SELENOI: variants seen among roughly 807,000 people sequenced by gnomAD.
SELENOI encodes ethanolaminephosphotransferase 1.
A neutral mutation model predicts 50.7 loss-of-function variants in SELENOI; 24 were observed. The ratio of observed to expected loss-of-function variants is 0.47; its 90% CI spans 0.34 to 0.67. The LOEUF (loss-of-function observed/expected upper bound fraction) is 0.67. Among genes scored for constraint, SELENOI ranks in the 30% least tolerant of loss-of-function variants. The probability of loss-of-function intolerance (pLI) is 0.01; values close to 1 mark genes in which losing one functional copy is unlikely to be tolerated. For missense variants in SELENOI, 352 were observed against 461.4 expected (o/e 0.76, Z 2.17); for synonymous variants, 155 against 170.2 (o/e 0.91, Z 0.70).
rs184267734 is a variant in SELENOI at position 26,353,523 on chromosome 2, G to A, written c.57+7234G>A. 2.2e-3 allele frequency among the ~76,000 whole-genome samples: 342 copies of A among 152,290 alleles called. 2 individuals carry two copies. The highest frequency in any genetic ancestry group is 3.7e-3 in the Non-Finnish European group (249 of 68,010). ...CCTGGATCCATTACAGTTAATTGAA[G>A]CATAACTTATCTTTAATTGTACCTT... On this transcript the variant is annotated intron_variant, in intron 1 of 9. Transcript: ENST00000260585.
intron 4 of SELENOI, among the ~76,000 whole-genome samples, chr2:26,370,842 A>ACCTC (rs1467846671): frequency 9.8e-6 from 1 of 101,782 alleles, no homozygotes; most frequent in African/African-American, 3.9e-5. Context: ...TGACACCCCC[A>ACCTC]CCTCCCTCCC....
At chr2:26,364,465 A>G in intron 2 of SELENOI, 95 bp downstream of exon 2, 1 of 813,046 alleles carries the variant, frequency 1.2e-6, no homozygotes. Context: ...TCTCAGTTTC[A>G]TAAGATATTT....
intron 9 of SELENOI, among the ~76,000 whole-genome samples, chr2:26,387,713 A>T (rs1677876835): frequency 6.7e-6 from 1 of 148,228 alleles, no homozygotes; most frequent in Admixed American, 6.7e-5. Flanking sequence ...AAAAAAAAAA[A>T]GAAAAAGAAA....
intron 1 of SELENOI, 48 bp downstream of exon 1, chr2:26,346,337 A>G (rs1388356718): frequency 1.3e-6 from 2 of 1,573,254 alleles, no homozygotes; most frequent in Middle Eastern, 1.9e-4. Context: ...GGCCTCGCCC[A>G]GGCGGCTGAG....
chr2:26,363,159 G>GTACTATACT (rs1677217645), intron 1 of SELENOI, among the ~76,000 whole-genome samples: 1 of 152,092 alleles, frequency 6.6e-6, no homozygotes, highest in African/African-American at 2.4e-5. Flanking sequence ...TCATTCCTTT[G>GTACTATACT]GTACTTAAAA....
rs1053753146 is a variant in SELENOI, at chr2:26,367,301, C to G, written c.310+81C>G. ...GCCACGTATTAAAATAACATTTTCT[C>G]CTGTGCTTAATTCATTTTAACTAGA... On this transcript the variant is annotated intron_variant, in intron 4 of 9. Coordinates refer to ENST00000260585, the MANE Select transcript of SELENOI (RefSeq NM_033505.4). 33 of 1,075,518 alleles carry G rather than the reference C, an allele frequency of 3.1e-5. No individual in the cohort carries two copies. In the African/African-American group the frequency reaches 4.3e-4, roughly 14 times the overall value. The allele number at this position is 1,075,518 out of a possible 1,614,324, so 66.6% of individuals were successfully genotyped here.
At chr2:26,376,108 A>G (rs956285019) in intron 6 of SELENOI, among the ~76,000 whole-genome samples, 1 of 151,464 alleles carries the variant, frequency 6.6e-6, no homozygotes, top group Non-Finnish European at 1.5e-5. Context: ...AAAAAAAAAA[A>G]AGAATAAATA....
chr2:26,386,128 T>C (rs542398465), intron 8 of SELENOI, among the ~76,000 whole-genome samples: 6 of 152,264 alleles, frequency 3.9e-5, no homozygotes. Context: ...TATTCAGTTA[T>C]CTTCCAGCCT....
chr2:26,379,433 T>C (rs894392674), intron 6 of SELENOI, among the ~76,000 whole-genome samples: 38 of 152,126 alleles, frequency 2.5e-4, no homozygotes, highest in African/African-American at 8.9e-4. Flanking sequence ...CCCCTCACTT[T>C]TCCTATAAAC....
At chr2:26,347,330 A>C (rs1166867214) in intron 1 of SELENOI, among the ~76,000 whole-genome samples, 1 of 152,190 alleles carries the variant, frequency 6.6e-6, no homozygotes, top group Non-Finnish European at 1.5e-5. Flanking sequence ...CTTGTGGACC[A>C]TCATGGCTTA....
intron 1 of SELENOI, among the ~76,000 whole-genome samples, chr2:26,360,821 G>A (rs914840310): frequency 6.6e-6 from 1 of 152,156 alleles, no homozygotes; most frequent in Non-Finnish European, 1.5e-5. Flanking sequence ...TGGTCCTCAG[G>A]TCTGAAGACT....
intron 5 of SELENOI, 119 bp from the exon 6 acceptor site, chr2:26,374,921 C>T: frequency 1.5e-6 from 1 of 661,896 alleles, no homozygotes; most frequent in Non-Finnish European, 2.7e-6. Flanking sequence ...CAAATATAAG[C>T]ATACTTCTTG....
At chr2:26,356,432 A>T (rs1479626221) in intron 1 of SELENOI, among the ~76,000 whole-genome samples, 1 of 152,224 alleles carries the variant, frequency 6.6e-6, no homozygotes, top group Admixed American at 6.5e-5. Context: ...TTATTGGTAC[A>T]TAGAAGGGAT....
At chr2:26,360,984 G>T (rs1677164087) in intron 1 of SELENOI, among the ~76,000 whole-genome samples, 1 of 152,192 alleles carries the variant, frequency 6.6e-6, no homozygotes, top group Non-Finnish European at 1.5e-5. Flanking sequence ...GGAGGCCAAG[G>T]TGGGTGGGTC....
chr2:26,349,598 G>T (rs975706118), intron 1 of SELENOI, among the ~76,000 whole-genome samples: 8 of 150,274 alleles, frequency 5.3e-5, no homozygotes, highest in African/African-American at 2.0e-4. Flanking sequence ...GAGCCACCGT[G>T]CCCAGCCCTT....
intron 1 of SELENOI, among the ~76,000 whole-genome samples, chr2:26,362,664 G>A (rs191518437): frequency 4.4e-4 from 67 of 152,072 alleles, no homozygotes; most frequent in Non-Finnish European, 7.5e-4. Flanking sequence ...GCTGAGGCAG[G>A]AGAATTGGTT....
rs951330297 is a variant in SELENOI, at chr2:26,394,637, T to G, written c.*5534T>G. On this transcript the variant is annotated 3_prime_UTR_variant, in exon 10 of 10. Transcript: ENST00000260585. This position sits in a 1 kb window ranked among gnomAD's most constrained non-coding sequence, Gnocchi z 4.1. ...GCAAAATTCATTATTGAACTCTAAA[T>G]TTCTGGGTGTTTTTTTTTTTAAAGT... 6.6e-6 allele frequency: 1 copy of G among 152,030 alleles called. No individual in the cohort carries two copies. The highest frequency in any genetic ancestry group is 2.4e-5 in the African/African-American group (1 of 41,406). The allele number at this position is 152,030 out of a possible 1,614,324, so 9.4% of individuals were successfully genotyped here.
intron 9 of SELENOI, among the ~76,000 whole-genome samples, chr2:26,388,261 A>T (rs2147964546): frequency 6.6e-6 from 1 of 152,334 alleles, no homozygotes; most frequent in South Asian, 2.1e-4. Flanking sequence ...ATAGCCTTTT[A>T]GAAGCATATC....
intron 1 of SELENOI, among the ~76,000 whole-genome samples, chr2:26,359,853 T>C (rs934261915): frequency 2.0e-5 from 3 of 152,134 alleles, no homozygotes; most frequent in African/African-American, 7.2e-5. Flanking sequence ...CGATGACTGT[T>C]TTACGTCTTC....
Sources: gnomAD v4.1 joint callset for allele counts (sites outside exome capture counted in the v4.1 genomes callset) on GRCh38, gnomAD v4.1.1 for gene constraint, Gnocchi (gnomAD v3.1) non-coding constraint, MANE v1.5 for transcripts, NCBI Gene and HGNC (gene_info 2026-07-23, HGNC 2026-07-21) for gene names.